The following MROH9 variants were observed in gnomAD, a reference collection of about 807,000 sequenced individuals.
MROH9 encodes the protein maestro heat like repeat family member 9, also known as maestro heat-like repeat-containing protein family member 9.
A neutral mutation model predicts 98.2 loss-of-function variants in MROH9; 92 were observed. The ratio of observed to expected loss-of-function variants is 0.94; its 90% CI spans 0.79 to 1.11. MROH9 has a LOEUF of 1.11. Among genes scored for constraint, MROH9 ranks in the 50% most tolerant of loss-of-function variants. The probability of loss-of-function intolerance (pLI) is 0.00; values close to 1 mark genes in which losing one functional copy is unlikely to be tolerated. For synonymous variants in MROH9, 397 were observed against 368.9 expected (o/e 1.08, Z -0.87); for missense variants, 1,057 against 1,014.8 (o/e 1.04, Z -0.57).
intron 18 of MROH9, 25 bp downstream of exon 18, chr1:171,024,572 A>C (rs1336472031): frequency 4.6e-6 from 7 of 1,522,664 alleles, no homozygotes; most frequent in Middle Eastern, 3.4e-4. Context: ...CTTCTTTTTC[A>C]TAAATTTACC....
intron 3 of MROH9, among the ~76,000 whole-genome samples, chr1:170,957,433 T>G (rs1274339470): frequency 1.3e-5 from 2 of 152,204 alleles, no homozygotes; most frequent in South Asian, 2.1e-4. Context: ...AGACTGTCCT[T>G]TGCCCATTGT....
At chr1:171,007,277 CT>C (rs1210978509) in intron 15 of MROH9, among the ~76,000 whole-genome samples, 1 of 152,176 alleles carries the variant, frequency 6.6e-6, no homozygotes, top group Non-Finnish European at 1.5e-5. Flanking sequence ...CCTGGGTGAA[CT>C]GGCCTAGCTC....
intron 15 of MROH9, among the ~76,000 whole-genome samples, chr1:171,005,484 G>T (rs564035841): frequency 6.6e-6 from 1 of 152,188 alleles, no homozygotes; most frequent in East Asian, 1.9e-4. Context: ...CAGTGTACAG[G>T]TCTGTAACGT....
intron 6 of MROH9, among the ~76,000 whole-genome samples, chr1:170,964,032 C>T (rs1650132070): frequency 6.6e-6 from 1 of 152,088 alleles, no homozygotes; most frequent in South Asian, 2.1e-4. Flanking sequence ...CTCTTTTATT[C>T]ACTCCATGAC....
intron 1 of MROH9, among the ~76,000 whole-genome samples, chr1:170,943,476 A>C (rs1047455963): frequency 2.6e-5 from 4 of 151,978 alleles, no homozygotes; most frequent in Admixed American, 1.3e-4. Context: ...TATATAAATA[A>C]ATTTTAACAA....
intron 20 of MROH9, among the ~76,000 whole-genome samples, chr1:171,039,533 G>A (rs1344632466): frequency 1.3e-5 from 2 of 152,094 alleles, no homozygotes; most frequent in African/African-American, 4.8e-5. Context: ...CTTCTTTGAA[G>A]AGCAAATATA....
chr1:170,940,874 C>T (rs1649093776), intron 1 of MROH9, among the ~76,000 whole-genome samples: 2 of 152,184 alleles, frequency 1.3e-5, no homozygotes, highest in Non-Finnish European at 2.9e-5. Flanking sequence ...TTGTGGCTTC[C>T]ACTTGGCTTT....
chr1:171,057,638 A>G (rs1418977540), intron 20 of MROH9, among the ~76,000 whole-genome samples: 2 of 152,188 alleles, frequency 1.3e-5, no homozygotes, highest in Non-Finnish European at 2.9e-5. Context: ...ATACTCCACA[A>G]GAAGACAAAC....
chr1:171,016,156 T>A lies in MROH9; in HGVS notation c.1735-7T>A. 1 of 1,450,266 alleles carries A rather than the reference T, an allele frequency of 6.9e-7. No individual in the cohort carries two copies. Among genetic ancestry groups the A allele is most frequent in the African/African-American group, 1.5e-5 (1 of 68,630 alleles). The allele number at this position is 1,450,266 out of a possible 1,614,324, so 89.8% of individuals were successfully genotyped here. A position where few individuals can be genotyped will look rare whatever the true frequency, so the allele number is the denominator to read the frequency against. On this transcript the variant is annotated splice_polypyrimidine_tract_variant and splice_region_variant and intron_variant, in intron 16 of 21. Coordinates refer to ENST00000367759, the MANE Select transcript of MROH9 (RefSeq NM_001163629.2). ...TAAATCCCACCATTTTTTCCTTTTATATGTAGACAGAAAATGTCAGCAGTA... is the reference window on the plus strand; with the variant it reads ...TAAATCCCACCATTTTTTCCTTTTAAATGTAGACAGAAAATGTCAGCAGTA...
intron 21 of MROH9, among the ~76,000 whole-genome samples, chr1:171,063,898 G>A (rs2101880128): frequency 6.6e-6 from 1 of 152,060 alleles, no homozygotes; most frequent in Admixed American, 6.6e-5. Context: ...CTTTTAATGG[G>A]GTCTATGTGG....
rs1654101033 is a variant in MROH9 at position 171,064,239 on chromosome 1, T to C, written c.2485T>C (p.Tyr829His). 2 of 1,551,478 alleles carry C rather than the reference T, an allele frequency of 1.3e-6. No individual in the cohort carries two copies. Among genetic ancestry groups the C allele is most frequent in the African/African-American group, 2.7e-5 (2 of 73,046 alleles). Residue 829 changes from tyrosine to histidine, a missense_variant, in exon 22 of 22, where the codon TAC (tyrosine) becomes CAC (histidine). Transcript: ENST00000367759. The part of the protein sequence containing the change: ...QNFQKLLKLF[Y>H]IKKLKPLYNY... Reference sequence around the variant, plus strand: ...CTTCCAAAAATTGCTTAAATTATTCTACATCAAAAAATTGAAGCCTCTTTA... The same window carrying C: ...CTTCCAAAAATTGCTTAAATTATTCCACATCAAAAAATTGAAGCCTCTTTA...
At chr1:170,969,815 A>C (rs1007371827) in intron 7 of MROH9, among the ~76,000 whole-genome samples, 1 of 152,164 alleles carries the variant, frequency 6.6e-6, no homozygotes, top group Non-Finnish European at 1.5e-5. Flanking sequence ...GCTTCTTTTT[A>C]GTACTTGGGT....
chr1:170,998,602 A>T, intron 15 of MROH9: 1 of 1,303,800 alleles, frequency 7.7e-7, no homozygotes, highest in Non-Finnish European at 9.8e-7. Flanking sequence ...GGTTTAATAA[A>T]GATGGTAGTT....
intron 15 of MROH9, among the ~76,000 whole-genome samples, chr1:171,008,491 G>A (rs937051352): frequency 2.0e-5 from 3 of 152,098 alleles, no homozygotes; most frequent in Admixed American, 1.3e-4. Flanking sequence ...ATACTTTTCT[G>A]TACAATGGAA....
intron 20 of MROH9, among the ~76,000 whole-genome samples, chr1:171,051,693 T>A (rs1571169579): frequency 1.3e-5 from 2 of 152,126 alleles, no homozygotes; most frequent in East Asian, 3.8e-4. Context: ...TAGCACACAT[T>A]TACCTAATGT....
At chr1:171,022,406 A>G (rs919113023) in intron 17 of MROH9, among the ~76,000 whole-genome samples, 1 of 152,202 alleles carries the variant, frequency 6.6e-6, no homozygotes, top group Non-Finnish European at 1.5e-5. Flanking sequence ...ACCGTGGACT[A>G]CTATGCAGCC....
intron 15 of MROH9, among the ~76,000 whole-genome samples, chr1:171,001,489 G>T (rs1651779976): frequency 6.6e-6 from 1 of 151,970 alleles, no homozygotes; most frequent in African/African-American, 2.4e-5. Flanking sequence ...TTTCCATCTT[G>T]ATTTCGTTTT....
At chr1:170,992,857 C>A (rs1328012772) in intron 12 of MROH9, among the ~76,000 whole-genome samples, 3 of 152,072 alleles carry the variant, frequency 2.0e-5, no homozygotes, top group Non-Finnish European at 4.4e-5. Flanking sequence ...GAGAAGTAAC[C>A]ACTGGCTAGA....
intron 15 of MROH9, among the ~76,000 whole-genome samples, chr1:171,007,966 C>A (rs186516000): frequency 8.5e-5 from 13 of 152,254 alleles, no homozygotes; most frequent in Admixed American, 2.6e-4. Context: ...ATTTTAGAAT[C>A]CACCATGTTT....
Sources: gnomAD v4.1 joint callset for allele counts (sites outside exome capture counted in the v4.1 genomes callset) on GRCh38, gnomAD v4.1.1 for gene constraint, MANE v1.5 for transcripts, NCBI Gene and HGNC (gene_info 2026-07-23, HGNC 2026-07-21) for gene names.